The following CSF2RA variants were observed in gnomAD, a reference collection of about 807,000 sequenced individuals.
The protein encoded by CSF2RA is granulocyte-macrophage colony-stimulating factor receptor subunit alpha.
Under a neutral mutation model 51.6 loss-of-function variants are expected in CSF2RA, and 42 were observed. The ratio of observed to expected loss-of-function variants is 0.81; its 90% CI spans 0.64 to 1.05. CSF2RA has a LOEUF of 1.05. CSF2RA is among the 50% of genes least tolerant of loss of function. The probability of loss-of-function intolerance (pLI) is 0.00; values close to 1 mark genes in which losing one functional copy is unlikely to be tolerated. For missense variants in CSF2RA, 530 were observed against 501.1 expected (o/e 1.06, Z -0.55); for synonymous variants, 222 against 193.0 (o/e 1.15, Z -1.24).
At chrX:1,323,752 C>A in the CSF2RA span, among the ~76,000 whole-genome samples, 44 of 151,796 alleles carry the variant, frequency 2.9e-4, no homozygotes, top group Middle Eastern at 6.8e-3. Context: ...CAGTGGCTCA[C>A]GCCTGTAATC....
At chrX:1,286,585 AT>A (rs1168758547) in intron 4 of CSF2RA, among the ~76,000 whole-genome samples, 2 of 144,832 alleles carry the variant, frequency 1.4e-5, no homozygotes, top group Admixed American at 1.4e-4. Flanking sequence ...AAAAAAAAAA[AT>A]AATAAATTCA....
At chrX:1,324,368 AAAG>A in the CSF2RA span, among the ~76,000 whole-genome samples, 1 of 148,638 alleles carries the variant, frequency 6.7e-6, no homozygotes, top group Admixed American at 6.9e-5. Flanking sequence ...AAGAGAAAGG[AAAG>A]AAAGAGAAAG....
chrX:1,315,387 A>C, the CSF2RA span, among the ~76,000 whole-genome samples: 1 of 151,968 alleles, frequency 6.6e-6, no homozygotes, highest in Non-Finnish European at 1.5e-5. Flanking sequence ...TAGATAGATG[A>C]TAGATGAATT....
the CSF2RA span, among the ~76,000 whole-genome samples, chrX:1,316,979 C>G: frequency 2.6e-5 from 4 of 152,156 alleles, no homozygotes; most frequent in Non-Finnish European, 5.9e-5. Context: ...CGGACTCTCA[C>G]TCTGTCGCCC....
chrX:1,321,333 G>A, the CSF2RA span, among the ~76,000 whole-genome samples: 306 of 152,152 alleles, frequency 2.0e-3, 1 homozygote, highest in African/African-American at 6.7e-3. Context: ...GCCGGGCGAC[G>A]TGGCAAGCTC....
intron 2 of CSF2RA, among the ~76,000 whole-genome samples, chrX:1,280,797 G>A (rs1222604214): frequency 7.2e-6 from 1 of 138,348 alleles, no homozygotes; most frequent in African/African-American, 2.7e-5. Context: ...TATTGACATG[G>A]ATCCACCATT....
chrX:1,281,009 T>TCTCCTCCTCCTCCTC (rs2089928647), intron 2 of CSF2RA, among the ~76,000 whole-genome samples: 2 of 55,370 alleles, frequency 3.6e-5, no homozygotes, highest in African/African-American at 6.4e-5. Flanking sequence ...TCCTCCTCCT[T>TCTCCTCCTCCTCCTC]CTCCTCCTCC....
At chrX:1,324,522 A>C in the CSF2RA span, among the ~76,000 whole-genome samples, 6 of 121,474 alleles carry the variant, frequency 4.9e-5, no homozygotes, top group East Asian at 9.2e-4. Context: ...GGAAAGAAGG[A>C]AGGGAGGGAG....
chrX:1,321,653 G>A, the CSF2RA span, among the ~76,000 whole-genome samples: 20,842 of 151,594 alleles, frequency 0.14, 2,215 homozygotes, highest in African/African-American at 0.29. Context: ...ATCACCAAGC[G>A]AAATCTTAAA....
chrX:1,323,468 C>T, the CSF2RA span, among the ~76,000 whole-genome samples: 1 of 152,028 alleles, frequency 6.6e-6, no homozygotes, highest in Admixed American at 6.6e-5. Flanking sequence ...GCAGCAATGT[C>T]CCCCACCTTC....
At chrX:1,300,284 T>C (rs1466441889) in intron 9 of CSF2RA, 27 of 591,658 alleles carry the variant, frequency 4.6e-5, no homozygotes, top group Non-Finnish European at 2.1e-5. Flanking sequence ...TTTCCCAACT[T>C]GTCTCCCATC....
chrX:1,323,912 G>T, the CSF2RA span, among the ~76,000 whole-genome samples: 1 of 152,062 alleles, frequency 6.6e-6, no homozygotes, highest in Admixed American at 6.6e-5. Context: ...TACTCGGGAG[G>T]CTGAGGCAGG....
the CSF2RA span, among the ~76,000 whole-genome samples, chrX:1,324,487 G>A: frequency 7.1e-6 from 1 of 140,816 alleles, no homozygotes; most frequent in Admixed American, 7.3e-5. Flanking sequence ...CAAGCAGGGA[G>A]GGAGGGAGGG....
Position 1,290,246 on chromosome X carries a change from T to C in CSF2RA, c.474-91T>C, listed in dbSNP as rs2091275387. On this transcript the variant is annotated intron_variant, in intron 6 of 12. Transcript: ENST00000381529. ...TGTTTTTGTGTTTTGTGTTTTTGTG[T>C]TTTGTTTTGTGTTTGTTTTTGTTTT... The C allele has an allele frequency of 1.4e-5, 15 of 1,091,876 alleles. No homozygotes were observed. The South Asian group carries it at 2.0e-4, about 15-fold the overall frequency. The allele number at this position is 1,091,876 out of a possible 1,614,324, so 67.6% of individuals were successfully genotyped here.
In CSF2RA at chrX:1,274,808, C is replaced by T; in HGVS notation, c.-37C>T. On this transcript the variant is annotated 5_prime_UTR_variant, in exon 2 of 13. Coordinates refer to ENST00000381529, the MANE Select transcript of CSF2RA (RefSeq NM_172245.4). ...CAGATCCGAGAAGCGGCGATGTTTGCGTAGAACCCTGTACGTGCTTCCTTC... is the reference window on the plus strand; with the variant it reads ...CAGATCCGAGAAGCGGCGATGTTTGTGTAGAACCCTGTACGTGCTTCCTTC... 2 of 453,450 alleles carry T rather than the reference C, an allele frequency of 4.4e-6. No homozygotes were observed. Among genetic ancestry groups the T allele is most frequent in the Non-Finnish European group, 8.8e-6 (2 of 226,706 alleles). The allele number at this position is 453,450 out of a possible 1,614,324, so 28.1% of individuals were successfully genotyped here.
rs768466594 is a variant in CSF2RA at position 1,295,328 on chromosome X, C to T, written c.781-99C>T. 7.4e-6 allele frequency: 11 copies of T among 1,490,302 alleles called. No individual in the cohort carries two copies. The African/African-American group carries it at 1.5e-4, about 21-fold the overall frequency. 92.3% of individuals were successfully genotyped at this position (1,490,302 alleles called of 1,614,324 possible). On this transcript the variant is annotated intron_variant, in intron 8 of 12. Coordinates refer to ENST00000381529, the MANE Select transcript of CSF2RA (RefSeq NM_172245.4). ...CTGCCACTCCGCAGGGACTCCTTCC[C>T]ATTCGGTGCCCACACCAGGGGAGAC...
chrX:1,276,302 G>T (rs1310241466), intron 2 of CSF2RA, among the ~76,000 whole-genome samples: 2 of 152,092 alleles, frequency 1.3e-5, no homozygotes, highest in East Asian at 3.9e-4. Flanking sequence ...CAGAAGTACT[G>T]GGATTACAGC....
At position 1,300,849 on chromosome X, in the gene CSF2RA, G is replaced by A. The variant is rs186039565; in HGVS notation, c.946+223G>A. 1.1e-4 allele frequency among the ~76,000 whole-genome samples: 16 copies of A among 152,106 alleles called. No homozygotes were observed. The East Asian group carries it at 2.9e-3, about 28-fold the overall frequency. ...GATGTTTTTTCAGGACGGATGAGTT[G>A]GCTCCCTTAATAACCAGAGAAGGGC... On this transcript the variant is annotated intron_variant, in intron 10 of 12. Coordinates refer to ENST00000381529, the MANE Select transcript of CSF2RA (RefSeq NM_172245.4).
intron 12 of CSF2RA, among the ~76,000 whole-genome samples, chrX:1,309,172 A>G (rs777668004): frequency 1.3e-5 from 2 of 152,098 alleles, no homozygotes; most frequent in Admixed American, 1.3e-4. Context: ...GATCAGTCAA[A>G]TTTGTGGTGG....
Sources: gnomAD v4.1 joint callset for allele counts (sites outside exome capture counted in the v4.1 genomes callset) on GRCh38, gnomAD v4.1.1 for gene constraint, MANE v1.5 for transcripts, NCBI Gene and HGNC (gene_info 2026-07-23, HGNC 2026-07-21) for gene names.